Variants in RBFOX1 observed in about 807,000 individuals in gnomAD.
RBFOX1 encodes the protein RNA binding protein fox-1 homolog 1.
A neutral mutation model predicts 57.7 loss-of-function variants in RBFOX1; 8 were observed. The ratio of observed to expected loss-of-function variants is 0.14; its 90% CI spans 0.08 to 0.25. RBFOX1 has a LOEUF of 0.25. Ranked by LOEUF, RBFOX1 falls within the 10% of genes least tolerant of loss-of-function variation. The pLI is 1.00. For synonymous variants in RBFOX1, 326 were observed against 222.4 expected (o/e 1.47, Z -4.15); for missense variants, 611 against 548.5 (o/e 1.11, Z -1.14).
chr16:5,281,924 G>C (rs1367389229), intron 1 of RBFOX1, among the ~76,000 whole-genome samples: 1 of 152,148 alleles, frequency 6.6e-6, no homozygotes, highest in Non-Finnish European at 1.5e-5. Flanking sequence ...AGTTATTATT[G>C]ATAGGTGAGG....
intron 4 of RBFOX1, among the ~76,000 whole-genome samples, chr16:7,447,258 C>A (rs372065340): frequency 2.6e-5 from 4 of 151,426 alleles, no homozygotes; most frequent in South Asian, 4.2e-4. Flanking sequence ...ATGGGGAAAC[C>A]CCCATCTCTA....
intron 3 of RBFOX1, among the ~76,000 whole-genome samples, chr16:7,035,052 T>C (rs1185285564): frequency 6.6e-6 from 1 of 151,538 alleles, no homozygotes; most frequent in African/African-American, 2.4e-5. Flanking sequence ...TTTACATTGT[T>C]GGCCAGGGTG....
chr16:6,445,770 A>G (rs1034234467), intron 2 of RBFOX1, among the ~76,000 whole-genome samples: 1 of 152,002 alleles, frequency 6.6e-6, no homozygotes, highest in African/African-American at 2.4e-5. Flanking sequence ...TTTAGTTGCG[A>G]CAGGGTTTCA....
rs140101218 is a variant in RBFOX1 at position 7,712,198 on chromosome 16, T to G, written c.*1453T>G. ...AAGTTAACTTAAGTTGGGGTATCCGTCACGGGTCTTCCTGTTTTGTATTTA... is the reference window on the plus strand; with the variant it reads ...AAGTTAACTTAAGTTGGGGTATCCGGCACGGGTCTTCCTGTTTTGTATTTA... On this transcript the variant is annotated 3_prime_UTR_variant, in exon 16 of 16. Transcript: ENST00000550418. 2.6e-5 allele frequency: 4 copies of G among 152,704 alleles called. No homozygotes were observed. The East Asian group carries it at 7.8e-4, about 30-fold the overall frequency. The allele number at this position is 152,704 out of a possible 1,614,324, so 9.5% of individuals were successfully genotyped here. A position where few individuals can be genotyped will look rare whatever the true frequency, so the allele number is the denominator to read the frequency against.
intron 3 of RBFOX1, chr16:6,705,328 G>A (rs1401967154): frequency 6.6e-6 from 1 of 152,216 alleles, no homozygotes; most frequent in Non-Finnish European, 1.5e-5. Flanking sequence ...AGTCTAGAGC[G>A]ATCCATGGCA....
chr16:6,396,452 G>A (rs1465591345), intron 2 of RBFOX1, among the ~76,000 whole-genome samples: 1 of 151,636 alleles, frequency 6.6e-6, no homozygotes, highest in African/African-American at 2.4e-5. Flanking sequence ...TAGGAAGGAA[G>A]ATGCAGATTT....
chr16:6,172,942 G>A (rs1426485792), intron 1 of RBFOX1, among the ~76,000 whole-genome samples: 1 of 152,260 alleles, frequency 6.6e-6, no homozygotes, highest in Non-Finnish European at 1.5e-5. Flanking sequence ...GCCTTTTCCA[G>A]CTTCCTGAGG....
intron 1 of RBFOX1, among the ~76,000 whole-genome samples, chr16:5,262,821 A>G (rs1256450236): frequency 6.6e-6 from 1 of 152,206 alleles, no homozygotes; most frequent in Non-Finnish European, 1.5e-5. Context: ...AAAATATTCA[A>G]GAGGTGAAAA....
intron 4 of RBFOX1, among the ~76,000 whole-genome samples, chr16:5,958,001 C>T (rs1207437598): frequency 6.6e-6 from 1 of 152,150 alleles, no homozygotes; most frequent in Non-Finnish European, 1.5e-5. Context: ...AATTATCCTT[C>T]TACTCTCTAT....
chr16:6,169,399 G>A (rs2096941674), intron 1 of RBFOX1, among the ~76,000 whole-genome samples: 1 of 152,082 alleles, frequency 6.6e-6, no homozygotes, highest in African/African-American at 2.4e-5. Flanking sequence ...AGTTCAGAGA[G>A]GTTATGTCCC....
chr16:6,522,284 A>T (rs2096516991), intron 2 of RBFOX1, among the ~76,000 whole-genome samples: 1 of 152,006 alleles, frequency 6.6e-6, no homozygotes, highest in Non-Finnish European at 1.5e-5. Context: ...GCACAATGTT[A>T]TTAATTCAGA....
Position 6,857,807 on chromosome 16 carries a change from G to A in RBFOX1, c.-15-194250G>A, listed in dbSNP as rs148929235. Among the ~76,000 whole-genome samples the A allele has an allele frequency of 1.3e-3, 194 of 152,304 alleles. 2 individuals carry two copies. Among genetic ancestry groups the A allele is most frequent in the Non-Finnish European group, 4.9e-4 (33 of 68,030 alleles). On this transcript the variant is annotated intron_variant, in intron 3 of 15. Coordinates refer to ENST00000550418, the MANE Select transcript of RBFOX1 (RefSeq NM_018723.4). ...TCTTGCCCCAGCTTTAGCCCAAGCAGTGCCTGTTTTGGTAATTAATTATAG... is the reference window on the plus strand; with the variant it reads ...TCTTGCCCCAGCTTTAGCCCAAGCAATGCCTGTTTTGGTAATTAATTATAG...
At chr16:5,650,683 C>G (rs1403077457) in intron 3 of RBFOX1, among the ~76,000 whole-genome samples, 4 of 152,078 alleles carry the variant, frequency 2.6e-5, no homozygotes, top group African/African-American at 9.7e-5. Context: ...ACAGGGGTTA[C>G]CAGGAGCCTA....
At chr16:7,303,592 A>T (rs868334161) in intron 4 of RBFOX1, among the ~76,000 whole-genome samples, 46 of 152,248 alleles carry the variant, frequency 3.0e-4, no homozygotes, top group Middle Eastern at 3.4e-3. Context: ...AATAATTTTT[A>T]AAAAAAGCGA....
At chr16:5,709,845 T>A (rs8060223) in intron 3 of RBFOX1, among the ~76,000 whole-genome samples, 88 of 7,242 alleles carry the variant, frequency 0.012, no homozygotes, top group Middle Eastern at 0.17. Context: ...ATATATATAT[T>A]TTTTTTTTTT....
chr16:6,977,670 T>G lies in RBFOX1; in HGVS notation c.-15-74387T>G, dbSNP rs566141679. Among the ~76,000 whole-genome samples the G allele has an allele frequency of 7.9e-5, 12 of 152,086 alleles. No homozygotes were observed. The East Asian group carries it at 9.7e-4, about 12-fold the overall frequency. ...CTCTTTAGCTCTGGCACTAACCGAGTGCCAAGCACATTAGCACTTGGTGAA... is the reference window on the plus strand; with the variant it reads ...CTCTTTAGCTCTGGCACTAACCGAGGGCCAAGCACATTAGCACTTGGTGAA... On this transcript the variant is annotated intron_variant, in intron 3 of 15. Transcript: ENST00000550418.
chr16:6,429,263 G>A (rs2153001296), intron 2 of RBFOX1, among the ~76,000 whole-genome samples: 1 of 152,328 alleles, frequency 6.6e-6, no homozygotes, highest in Non-Finnish European at 1.5e-5. Context: ...TGATGAAGGA[G>A]CAAAACCTTG....
chr16:5,807,140 G>T (rs977202186), intron 3 of RBFOX1, among the ~76,000 whole-genome samples: 18 of 152,212 alleles, frequency 1.2e-4, no homozygotes, highest in Admixed American at 3.9e-4. Context: ...GTGCTGGACA[G>T]TGACAACACA....
At chr16:6,579,582 C>A (rs2097503183) in intron 2 of RBFOX1, among the ~76,000 whole-genome samples, 1 of 152,094 alleles carries the variant, frequency 6.6e-6, no homozygotes, top group African/African-American at 2.4e-5. Context: ...CTTGCTGCTG[C>A]CATGTGAAGA....
Sources: allele counts gnomAD v4.1 joint callset (sites outside exome capture counted in the v4.1 genomes callset), GRCh38; gene constraint gnomAD v4.1.1; transcripts MANE v1.5; gene names NCBI Gene and HGNC (gene_info 2026-07-23, HGNC 2026-07-21).